REEP3: variants seen among roughly 807,000 people sequenced by gnomAD.
REEP3 encodes receptor accessory protein 3, also known as receptor expression-enhancing protein 3.
In REEP3, 20 loss-of-function variants were observed where a neutral mutation model predicts 41.3. The ratio of observed to expected loss-of-function variants is 0.48; its 90% CI spans 0.34 to 0.70. The LOEUF is 0.70. REEP3 is among the 30% of genes least tolerant of loss of function. The probability of loss-of-function intolerance (pLI) is 0.01; values close to 1 mark genes in which losing one functional copy is unlikely to be tolerated. For synonymous variants in REEP3, 104 were observed against 101.8 expected, an observed-to-expected ratio of 1.02 and a Z score of -0.13; for missense variants, 271 against 308.8, an observed-to-expected ratio of 0.88 and a Z score of 0.92.
intron 1 of REEP3, chr10:63,562,867 T>C: frequency 2.2e-6 from 1 of 452,890 alleles, no homozygotes; most frequent in South Asian, 1.6e-5. Flanking sequence ...CTCCCCAAAC[T>C]TCATATATTG....
At chr10:63,588,214 CCTTT>C (rs1956025618) in intron 2 of REEP3, among the ~76,000 whole-genome samples, 1 of 152,296 alleles carries the variant, frequency 6.6e-6, no homozygotes, top group Middle Eastern at 3.4e-3. Flanking sequence ...CTCTTTTCTT[CCTTT>C]CTATCTGTCC....
At chr10:63,565,399 A>T (rs1356393114) in intron 1 of REEP3, among the ~76,000 whole-genome samples, 1 of 152,240 alleles carries the variant, frequency 6.6e-6, no homozygotes, top group Non-Finnish European at 1.5e-5. Flanking sequence ...TCTTTTCATT[A>T]TTCATTTGTA....
At chr10:63,535,437 A>G (rs1955465494) in intron 1 of REEP3, among the ~76,000 whole-genome samples, 1 of 152,208 alleles carries the variant, frequency 6.6e-6, no homozygotes, top group Admixed American at 6.5e-5. Context: ...AAGTCTATAA[A>G]TTTAATGGAA....
chr10:63,544,866 A>C (rs566708188), intron 1 of REEP3, among the ~76,000 whole-genome samples: 2 of 152,200 alleles, frequency 1.3e-5, no homozygotes, highest in Non-Finnish European at 2.9e-5. Flanking sequence ...AGACGACCCA[A>C]TTCTCCCCGT....
At chr10:63,616,938 C>T (rs767786994) in intron 6 of REEP3, among the ~76,000 whole-genome samples, 10 of 152,136 alleles carry the variant, frequency 6.6e-5, no homozygotes, top group Non-Finnish European at 1.2e-4. Context: ...CCTGAAAGCT[C>T]ACTTCCATGA....
chr10:63,573,036 A>G (rs1181322803), intron 2 of REEP3, among the ~76,000 whole-genome samples: 2 of 152,218 alleles, frequency 1.3e-5, no homozygotes, highest in African/African-American at 2.4e-5. Context: ...TTTCACTGCT[A>G]TCTACTTCAA....
intron 1 of REEP3, among the ~76,000 whole-genome samples, chr10:63,546,594 A>G (rs1262667253): frequency 6.6e-6 from 1 of 152,360 alleles, no homozygotes; most frequent in East Asian, 1.9e-4. Flanking sequence ...TAGTGGAATA[A>G]GTTACTTATA....
rs147687072 is a variant in REEP3 at position 63,540,436 on chromosome 10, C to A, written c.32+18859C>A. 3.3e-3 allele frequency among the ~76,000 whole-genome samples: 504 copies of A among 152,238 alleles called. 2 individuals carry two copies. Among genetic ancestry groups the A allele is most frequent in the Non-Finnish European group, 5.8e-3 (392 of 68,000 alleles). ...GTTTTTAATTAAAATCATTTCATGCCTTTTAATGTATCCACAGTATTAAGA... is the reference window on the plus strand; with the variant it reads ...GTTTTTAATTAAAATCATTTCATGCATTTTAATGTATCCACAGTATTAAGA... On this transcript the variant is annotated intron_variant, in intron 1 of 7. Transcript: ENST00000373758.
At chr10:63,559,478 T>C (rs1955721341) in intron 1 of REEP3, among the ~76,000 whole-genome samples, 1 of 152,200 alleles carries the variant, frequency 6.6e-6, no homozygotes, top group African/African-American at 2.4e-5. Context: ...TATGTATAGG[T>C]GTTACCCTTC....
chr10:63,620,346 A>C (rs934989689), intron 7 of REEP3, among the ~76,000 whole-genome samples: 7 of 152,262 alleles, frequency 4.6e-5, no homozygotes, highest in Non-Finnish European at 7.3e-5. Context: ...ATTCTCATTT[A>C]GCAAATCACA....
At chr10:63,557,478 A>G (rs1028033348) in intron 1 of REEP3, among the ~76,000 whole-genome samples, 1 of 152,214 alleles carries the variant, frequency 6.6e-6, no homozygotes, top group Non-Finnish European at 1.5e-5. Context: ...CACTGTTTCA[A>G]AATGGGAGGT....
intron 2 of REEP3, among the ~76,000 whole-genome samples, chr10:63,588,762 A>C (rs774672852): frequency 1.3e-5 from 2 of 152,250 alleles, no homozygotes; most frequent in Non-Finnish European, 2.9e-5. Flanking sequence ...AGAGAAAAAT[A>C]AAGCAGAATA....
intron 1 of REEP3, among the ~76,000 whole-genome samples, chr10:63,548,586 A>G (rs1169674919): frequency 6.6e-6 from 1 of 152,166 alleles, no homozygotes; most frequent in African/African-American, 2.4e-5. Context: ...AGAAGTGCCT[A>G]ATGAGAAACT....
intron 1 of REEP3, among the ~76,000 whole-genome samples, chr10:63,541,186 T>C (rs991040644): frequency 6.6e-6 from 1 of 152,218 alleles, no homozygotes; most frequent in African/African-American, 2.4e-5. Flanking sequence ...CTCAGAATTA[T>C]CAATACCTTT....
intron 2 of REEP3, among the ~76,000 whole-genome samples, chr10:63,569,609 T>G (rs1451988566): frequency 6.6e-6 from 1 of 152,068 alleles, no homozygotes; most frequent in Non-Finnish European, 1.5e-5. Flanking sequence ...GGTAAAGGGA[T>G]AGCATAAGAA....
chr10:63,537,506 G>A lies in REEP3; in HGVS notation c.32+15929G>A, dbSNP rs551313709. 5.5e-4 allele frequency among the ~76,000 whole-genome samples: 83 copies of A among 152,288 alleles called. 1 individual carries two copies. Among genetic ancestry groups the A allele is most frequent in the African/African-American group, 1.6e-3 (67 of 41,554 alleles). ...CCGGATTCACTGGGCTCATTTTACTGTGTGTGCTTCATAACTTAGAAGTGT... is the reference window on the plus strand; with the variant it reads ...CCGGATTCACTGGGCTCATTTTACTATGTGTGCTTCATAACTTAGAAGTGT... On this transcript the variant is annotated intron_variant, in intron 1 of 7. Coordinates refer to ENST00000373758, the MANE Select transcript of REEP3 (RefSeq NM_001001330.3).
intron 6 of REEP3, among the ~76,000 whole-genome samples, chr10:63,611,018 G>A (rs1429189840): frequency 6.6e-6 from 1 of 152,194 alleles, no homozygotes; most frequent in Non-Finnish European, 1.5e-5. Context: ...GTTGCAGTGA[G>A]CTGAGATGGT....
At position 63,594,767 on chromosome 10, in the gene REEP3, A is replaced by G; in HGVS notation, c.106-11A>G. The G allele has an allele frequency of 1.3e-6, 2 of 1,571,990 alleles. No homozygotes were observed. Among genetic ancestry groups the G allele is most frequent in the Non-Finnish European group, 1.8e-6 (2 of 1,141,860 alleles). On this transcript the variant is annotated splice_polypyrimidine_tract_variant and intron_variant, in intron 2 of 7. Coordinates refer to ENST00000373758, the MANE Select transcript of REEP3 (RefSeq NM_001001330.3). ...CATCTGTTGTTTCATGAGTATTTTT[A>G]TTATTTCCAGGTTCGATGGATGATG...
Position 63,622,033 on chromosome 10 carries a change from A to C in REEP3, c.*1164A>C, listed in dbSNP as rs944483715. ...AACTTTAAATCTCAAAGAGATTTTG[A>C]GTTATTGAATTCTTAAGGCTTTCTT... On this transcript the variant is annotated 3_prime_UTR_variant, in exon 8 of 8. Coordinates refer to ENST00000373758, the MANE Select transcript of REEP3 (RefSeq NM_001001330.3). 1.3e-5 allele frequency: 2 copies of C among 152,228 alleles called. No homozygotes were observed. Among genetic ancestry groups the C allele is most frequent in the African/African-American group, 4.8e-5 (2 of 41,460 alleles). 9.4% of individuals were successfully genotyped at this position (152,228 alleles called of 1,614,324 possible).
Sources: allele counts gnomAD v4.1 joint callset (sites outside exome capture counted in the v4.1 genomes callset), GRCh38; gene constraint gnomAD v4.1.1; transcripts MANE v1.5; gene names NCBI Gene and HGNC (gene_info 2026-07-23, HGNC 2026-07-21).